The following CDH10 variants were observed in gnomAD, a reference collection of about 807,000 sequenced individuals.
CDH10 encodes the protein cadherin-10.
In CDH10, 30 loss-of-function variants were observed where a neutral mutation model predicts 73.1. The observed-to-expected ratio is 0.41, with a 90% CI of 0.31 to 0.56. The LOEUF (loss-of-function observed/expected upper bound fraction) is 0.56. Ranked by LOEUF, CDH10 falls within the 20% of genes least tolerant of loss-of-function variation. The pLI is 0.27. For synonymous variants in CDH10, 345 were observed against 348.2 expected (o/e 0.99, Z 0.10); for missense variants, 815 against 973.7 (o/e 0.84, Z 2.17).
chr5:24,532,646 G>T (rs1214642155), intron 5 of CDH10, among the ~76,000 whole-genome samples: 2 of 151,998 alleles, frequency 1.3e-5, no homozygotes, highest in Non-Finnish European at 2.9e-5. Flanking sequence ...TTAAGAATTA[G>T]ATAAAAAAAT....
At chr5:24,632,883 G>GT (rs765065955) in intron 1 of CDH10, among the ~76,000 whole-genome samples, 1 of 151,176 alleles carries the variant, frequency 6.6e-6, no homozygotes, top group Non-Finnish European at 1.5e-5. Context: ...TTTTACTCAG[G>GT]TTTTGATGAT....
At chr5:24,581,800 C>G (rs1745812932) in intron 2 of CDH10, among the ~76,000 whole-genome samples, 1 of 151,940 alleles carries the variant, frequency 6.6e-6, no homozygotes, top group African/African-American at 2.4e-5. Context: ...AGGATGGAAC[C>G]CTTAAAAATT....
chr5:24,488,574 C>G (rs188848103), intron 11 of CDH10, among the ~76,000 whole-genome samples: 2 of 151,984 alleles, frequency 1.3e-5, no homozygotes, highest in African/African-American at 2.4e-5. Context: ...CAACACGATG[C>G]TTACTTTTTT....
At chr5:24,597,879 G>C (rs908117010) in intron 1 of CDH10, among the ~76,000 whole-genome samples, 3 of 151,620 alleles carry the variant, frequency 2.0e-5, no homozygotes, top group Non-Finnish European at 4.4e-5. Context: ...CTAATAAAAG[G>C]AATTAGTCCT....
In CDH10 at chr5:24,487,876, T is replaced by C. The variant is rs746736772; in HGVS notation, c.2154A>G (p.Leu718=). ...TDVRDFINER[L]KEHDLDPTAP... Reference sequence around the variant, plus strand: ...CGGTGGGGTCAAGATCATGCTCTTTTAGCCTTTCATTAATGAAATCCCGGA... The same window carrying C: ...CGGTGGGGTCAAGATCATGCTCTTTCAGCCTTTCATTAATGAAATCCCGGA... Residue 718 remains leucine (L), a synonymous_variant, in exon 12 of 12, where the codon CTA becomes CTG. Coordinates refer to ENST00000264463, the MANE Select transcript of CDH10 (RefSeq NM_006727.5). The C allele has an allele frequency of 3.7e-6, 6 of 1,613,904 alleles. No individual in the cohort carries two copies. The highest frequency in any genetic ancestry group is 3.4e-6 in the Non-Finnish European group (4 of 1,179,978).
chr5:24,613,989 A>G (rs1424141636), intron 1 of CDH10, among the ~76,000 whole-genome samples: 3 of 152,188 alleles, frequency 2.0e-5, no homozygotes, highest in African/African-American at 7.2e-5. Context: ...CCCAAACATC[A>G]AAACCAAGAG....
Position 24,487,898 on chromosome 5 carries a change from C to T in CDH10, c.2132G>A (p.Arg711Gln), listed in dbSNP as rs1382510928. ...TTTTAGCCTTTCATTAATGAAATCC[C>T]GGACGTCCGTGTTATCTGGAGCTGT... is the stretch of plus-strand genomic sequence containing the variant. ...TPTAPDNTDV[R>Q]DFINERLKEH... The change falls in exon 12 of 12, where the codon CGG (arginine) becomes CAG (glutamine). Residue 711 changes from arginine to glutamine, a missense_variant. Around this residue, in one of 3 missense-constraint regions of CDH10, gnomAD observed 241 missense variants for 240.3 expected, o/e 1.00. Coordinates refer to ENST00000264463, the MANE Select transcript of CDH10 (RefSeq NM_006727.5). The T allele has an allele frequency of 3.1e-6, 5 of 1,613,790 alleles. No homozygotes were observed. In the South Asian group the frequency reaches 3.3e-5, roughly 11 times the overall value.
At chr5:24,530,337 T>G (rs1743694339) in intron 5 of CDH10, among the ~76,000 whole-genome samples, 1 of 152,042 alleles carries the variant, frequency 6.6e-6, no homozygotes, top group South Asian at 2.1e-4. Flanking sequence ...AAACAAATAC[T>G]GTTGTCCCAG....
intron 5 of CDH10, among the ~76,000 whole-genome samples, chr5:24,523,174 A>G (rs1275082262): frequency 6.6e-6 from 1 of 152,128 alleles, no homozygotes; most frequent in Non-Finnish European, 1.5e-5. Context: ...TTCATCAATC[A>G]TAAAAGCAAG....
intron 7 of CDH10, among the ~76,000 whole-genome samples, chr5:24,507,981 T>C (rs1742761150): frequency 2.0e-5 from 3 of 152,204 alleles, no homozygotes; most frequent in Admixed American, 1.3e-4. Flanking sequence ...CACTTGAAGA[T>C]ATCGCAGACC....
At chr5:24,591,291 C>T (rs1746193061) in intron 2 of CDH10, among the ~76,000 whole-genome samples, 1 of 151,838 alleles carries the variant, frequency 6.6e-6, no homozygotes, top group African/African-American at 2.4e-5. Context: ...ACCACAGAAA[C>T]TACAAAATTG....
intron 9 of CDH10, among the ~76,000 whole-genome samples, chr5:24,494,128 A>G (rs1347084428): frequency 6.6e-6 from 1 of 151,932 alleles, no homozygotes; most frequent in Non-Finnish European, 1.5e-5. Context: ...AACATCATTT[A>G]AAACTTTGAA....
intron 2 of CDH10, among the ~76,000 whole-genome samples, chr5:24,576,193 A>C (rs1163332164): frequency 6.6e-6 from 1 of 152,114 alleles, no homozygotes; most frequent in East Asian, 1.9e-4. Flanking sequence ...ATCAGCTATA[A>C]ACCAAAATTA....
At chr5:24,624,800 T>C (rs1227443580) in intron 1 of CDH10, among the ~76,000 whole-genome samples, 1 of 152,156 alleles carries the variant, frequency 6.6e-6, no homozygotes, top group African/African-American at 2.4e-5. Context: ...CATTAGCTTC[T>C]ATCAACCATG....
intron 2 of CDH10, among the ~76,000 whole-genome samples, chr5:24,544,047 G>C (rs1744250451): frequency 6.6e-6 from 1 of 152,146 alleles, no homozygotes; most frequent in Admixed American, 6.6e-5. Context: ...TGTAATCCCA[G>C]CACTTTGGGA....
intron 5 of CDH10, among the ~76,000 whole-genome samples, chr5:24,534,250 G>C (rs999344734): frequency 1.3e-5 from 2 of 151,930 alleles, no homozygotes; most frequent in Non-Finnish European, 2.9e-5. Flanking sequence ...CCAATTCAGA[G>C]GTTAATATTC....
intron 2 of CDH10, among the ~76,000 whole-genome samples, chr5:24,545,836 T>C (rs947176009): frequency 1.3e-5 from 2 of 152,028 alleles, no homozygotes; most frequent in African/African-American, 2.4e-5. Flanking sequence ...AAAAAGGAAA[T>C]ATTTCTGTAA....
At chr5:24,591,175 T>C (rs1746188532) in intron 2 of CDH10, among the ~76,000 whole-genome samples, 1 of 152,064 alleles carries the variant, frequency 6.6e-6, no homozygotes, top group Non-Finnish European at 1.5e-5. Flanking sequence ...AAGATTGTAA[T>C]TGTATAAGTA....
intron 2 of CDH10, among the ~76,000 whole-genome samples, chr5:24,553,635 T>C (rs1467114406): frequency 6.6e-6 from 1 of 152,172 alleles, no homozygotes; most frequent in Non-Finnish European, 1.5e-5. Context: ...TTGTATTATA[T>C]ATGTAGCATC....
Sources: gnomAD v4.1 joint callset for allele counts (sites outside exome capture counted in the v4.1 genomes callset) on GRCh38, gnomAD v4.1.1 for gene constraint, gnomAD v4.1.1 regional missense constraint, MANE v1.5 for transcripts, NCBI Gene and HGNC (gene_info 2026-07-23, HGNC 2026-07-21) for gene names.